The following RARB variants were observed in gnomAD, a reference collection of about 807,000 sequenced individuals.
RARB encodes the protein HBV-activated protein.
RARB carries 17 observed loss-of-function variants against 51.9 expected under a neutral mutation model. The ratio of observed to expected loss-of-function variants is 0.33; its 90% CI spans 0.22 to 0.49. The LOEUF (loss-of-function observed/expected upper bound fraction) is 0.49, where lower values mean the gene tolerates loss of function less well. Ranked by LOEUF, RARB falls within the 20% of genes least tolerant of loss-of-function variation. RARB has a pLI of 0.99. For synonymous variants in RARB, 215 were observed against 195.4 expected (o/e 1.10, Z -0.84); for missense variants, 369 against 550.8 (o/e 0.67, Z 3.30).
chr3:25,276,631 A>C (rs760535840), intron 5 of RARB, among the ~76,000 whole-genome samples: 6 of 152,256 alleles, frequency 3.9e-5, no homozygotes, highest in African/African-American at 7.2e-5. Context: ...GTTAAAAGAC[A>C]TTATGCCTCT....
chr3:24,948,070 T>A (rs141366601), intron 2 of RARB, among the ~76,000 whole-genome samples: 1 of 152,310 alleles, frequency 6.6e-6, no homozygotes, highest in East Asian at 1.9e-4. Context: ...ACATGAGCCT[T>A]TTCTGGCCAG....
chr3:25,199,533 A>T (rs1701337945), intron 5 of RARB, among the ~76,000 whole-genome samples: 1 of 152,064 alleles, frequency 6.6e-6, no homozygotes, highest in Non-Finnish European at 1.5e-5. Context: ...TACATGTGCC[A>T]TGTTGGTGTG....
intron 2 of RARB, among the ~76,000 whole-genome samples, chr3:25,043,694 A>G (rs1172081895): frequency 6.6e-6 from 1 of 152,220 alleles, no homozygotes; most frequent in African/African-American, 2.4e-5. Context: ...TCTGAGTAGC[A>G]TATTAAACAT....
intron 3 of RARB, among the ~76,000 whole-genome samples, chr3:25,098,184 G>A (rs778797561): frequency 3.3e-5 from 5 of 152,126 alleles, no homozygotes; most frequent in Non-Finnish European, 7.4e-5. Context: ...GCAGAGGCCT[G>A]AAGGGTGAAA....
chr3:25,261,989 T>G (rs1703009421), intron 5 of RARB, among the ~76,000 whole-genome samples: 1 of 152,184 alleles, frequency 6.6e-6, no homozygotes, highest in Non-Finnish European at 1.5e-5. Context: ...CATGCAATGA[T>G]GTTTTCAAAA....
At chr3:24,933,501 C>G (rs73137245) in intron 2 of RARB, among the ~76,000 whole-genome samples, 1 of 152,008 alleles carries the variant, frequency 6.6e-6, no homozygotes, top group Non-Finnish European at 1.5e-5. Flanking sequence ...TAGTGACTCT[C>G]GCCCTTCAGA....
intron 4 of RARB, among the ~76,000 whole-genome samples, chr3:25,166,428 C>T (rs1700562302): frequency 6.6e-6 from 1 of 151,436 alleles, no homozygotes; most frequent in South Asian, 2.1e-4. Flanking sequence ...TTACCTGGAA[C>T]CAATCTCTTA....
At chr3:25,227,550 T>C (rs115826974) in intron 5 of RARB, among the ~76,000 whole-genome samples, 1 of 152,120 alleles carries the variant, frequency 6.6e-6, no homozygotes, top group African/African-American at 2.4e-5. Flanking sequence ...TAGAAAGTAA[T>C]TGTTGACAGC....
intron 5 of RARB, among the ~76,000 whole-genome samples, chr3:25,332,823 C>T (rs1288201622): frequency 1.3e-5 from 2 of 152,318 alleles, no homozygotes; most frequent in East Asian, 1.9e-4. Context: ...GCAACTTCAG[C>T]AAAGTCTCAG....
At chr3:25,232,740 T>G (rs1238956847) in intron 5 of RARB, among the ~76,000 whole-genome samples, 7 of 152,138 alleles carry the variant, frequency 4.6e-5, no homozygotes, top group Non-Finnish European at 1.0e-4. Flanking sequence ...CCAAAAATGA[T>G]TCACATTTAG....
chr3:25,193,860 A>C (rs1055748421), intron 5 of RARB, among the ~76,000 whole-genome samples: 2 of 152,014 alleles, frequency 1.3e-5, no homozygotes, highest in Non-Finnish European at 2.9e-5. Context: ...ACTGACACTC[A>C]GTTTCAAAAT....
chr3:25,508,613 T>G (rs148977340), intron 3 of RARB, among the ~76,000 whole-genome samples: 2 of 152,314 alleles, frequency 1.3e-5, no homozygotes, highest in Non-Finnish European at 2.9e-5. Context: ...TAATTTTAGT[T>G]TATTTCTTCA....
chr3:25,579,835 G>T (rs1701095408), intron 4 of RARB, among the ~76,000 whole-genome samples: 1 of 152,122 alleles, frequency 6.6e-6, no homozygotes, highest in Non-Finnish European at 1.5e-5. Context: ...TTGATTTCTG[G>T]CCAGAATATT....
At chr3:24,947,326 C>T (rs912135523) in intron 2 of RARB, among the ~76,000 whole-genome samples, 4 of 152,196 alleles carry the variant, frequency 2.6e-5, no homozygotes, top group African/African-American at 7.2e-5. Context: ...CCAATCCTAT[C>T]GTGTTAATTT....
At chr3:24,859,751 AT>A (rs1298762607) in intron 2 of RARB, among the ~76,000 whole-genome samples, 5 of 152,236 alleles carry the variant, frequency 3.3e-5, no homozygotes, top group Admixed American at 3.3e-4. Flanking sequence ...TAGACAGTAA[AT>A]ATTTTAGGCT....
At chr3:25,192,076 A>G (rs926339789) in intron 5 of RARB, among the ~76,000 whole-genome samples, 3 of 152,140 alleles carry the variant, frequency 2.0e-5, no homozygotes, top group Non-Finnish European at 4.4e-5. Context: ...TCAAAATCTA[A>G]TATTTACATG....
intron 2 of RARB, among the ~76,000 whole-genome samples, chr3:24,982,165 C>G (rs533619401): frequency 6.6e-6 from 1 of 152,318 alleles, no homozygotes; most frequent in African/African-American, 2.4e-5. Flanking sequence ...CCTGGGCACT[C>G]TCTCAGCTTG....
intron 4 of RARB, among the ~76,000 whole-genome samples, chr3:25,135,615 C>T (rs1406166022): frequency 6.6e-6 from 1 of 151,834 alleles, no homozygotes; most frequent in African/African-American, 2.4e-5. Flanking sequence ...TGCAACATAG[C>T]CAGAAAAGCC....
chr3:25,162,883 T>G (rs542946224), intron 4 of RARB, among the ~76,000 whole-genome samples: 1 of 152,220 alleles, frequency 6.6e-6, no homozygotes, highest in Non-Finnish European at 1.5e-5. Flanking sequence ...CTATAAACAT[T>G]TGTGTACGAG....
Sources: allele counts gnomAD v4.1 joint callset (sites outside exome capture counted in the v4.1 genomes callset), GRCh38; gene constraint gnomAD v4.1.1; transcripts MANE v1.5; gene names NCBI Gene and HGNC (gene_info 2026-07-23, HGNC 2026-07-21).